The following CDKL3 variants were observed in gnomAD, a reference collection of about 807,000 sequenced individuals.
CDKL3 encodes cyclin dependent kinase like 3, also known as cyclin-dependent kinase-like 3.
CDKL3 carries 65 observed loss-of-function variants against 69.3 expected under a neutral mutation model. The observed-to-expected ratio is 0.94, with a 90% confidence interval of 0.77 to 1.15. The LOEUF (loss-of-function observed/expected upper bound fraction) is 1.15. CDKL3 is among the 50% of genes most tolerant of loss of function. The pLI is 0.00. For synonymous variants in CDKL3, 202 were observed against 221.6 expected, an observed-to-expected ratio of 0.91 and a Z score of 0.79; for missense variants, 652 against 689.2, an observed-to-expected ratio of 0.95 and a Z score of 0.61.
At chr5:134,318,254 ATAAT>A (rs1158728062) in intron 6 of CDKL3, among the ~76,000 whole-genome samples, 1 of 151,538 alleles carries the variant, frequency 6.6e-6, no homozygotes, top group African/African-American at 2.4e-5. Flanking sequence ...AAAATAATAA[ATAAT>A]AAATAAAAAT....
chr5:134,317,537 T>A (rs1296011029), intron 6 of CDKL3, among the ~76,000 whole-genome samples: 1 of 152,130 alleles, frequency 6.6e-6, no homozygotes. Context: ...GGAGGAAGGA[T>A]CACTAGAGGA....
In CDKL3 at chr5:134,350,583, T is replaced by C. The variant is rs539993450; in HGVS notation, c.361-156A>G. ...ATTACACAATGCAAATATAGTTATA[T>C]GTTTTCAATTCTTGCCCCATCCATC... On this transcript the variant is annotated intron_variant, in intron 3 of 12. Coordinates refer to ENST00000265334, the MANE Select transcript of CDKL3 (RefSeq NM_001113575.2). 2.0e-5 allele frequency among the ~76,000 whole-genome samples: 3 copies of C among 152,332 alleles called. No homozygotes were observed. The South Asian group carries it at 6.2e-4, about 32-fold the overall frequency.
intron 10 of CDKL3, among the ~76,000 whole-genome samples, chr5:134,305,478 C>T (rs940217693): frequency 6.6e-6 from 1 of 152,138 alleles, no homozygotes; most frequent in African/African-American, 2.4e-5. Flanking sequence ...GAACAAATTG[C>T]TTCAGTTCAT....
chr5:134,350,105 TTGAA>T, intron 4 of CDKL3, 140 bp downstream of exon 4: 1 of 556,628 alleles, frequency 1.8e-6, no homozygotes, highest in Non-Finnish European at 3.1e-6. Context: ...GGAGAATTGC[TTGAA>T]CCTGGGAGGT....
chr5:134,293,781 C>T (rs143288755), downstream of CDKL3, among the ~76,000 whole-genome samples: 228 of 151,954 alleles, frequency 1.5e-3, no homozygotes, highest in Middle Eastern at 0.01. Flanking sequence ...GCCTGGGTGG[C>T]AGAGTAAGAA....
intron 11 of CDKL3, 146 bp downstream of exon 11, chr5:134,304,259 T>C (rs1384026008): frequency 1.6e-6 from 1 of 643,806 alleles, no homozygotes; most frequent in Non-Finnish European, 2.5e-6. Flanking sequence ...TATTTGACAA[T>C]GGGGAGAAAA....
chr5:134,326,846 TATATATATATATATATATATAC>T (rs1184616143), intron 4 of CDKL3, among the ~76,000 whole-genome samples: 8,798 of 125,364 alleles, frequency 0.07, 397 homozygotes, highest in African/African-American at 0.11. Context: ...TATATATATA[TATATATATATATATATATATAC>T]ACACACACAC....
chr5:134,317,496 T>C (rs1771456531), intron 6 of CDKL3, among the ~76,000 whole-genome samples: 1 of 152,180 alleles, frequency 6.6e-6, no homozygotes, highest in Non-Finnish European at 1.5e-5. Context: ...CAGTTGCTTA[T>C]GCCTGTGATC....
intron 4 of CDKL3, among the ~76,000 whole-genome samples, chr5:134,326,817 G>GTA (rs1164800558): frequency 8.3e-5 from 10 of 120,470 alleles, no homozygotes; most frequent in African/African-American, 3.2e-4. Context: ...ATATGTGTGT[G>GTA]TATATATATA....
Position 134,304,487 on chromosome 5 carries a change from A to T in CDKL3, c.1539T>A (p.Asn513Lys). 1 of 1,612,812 alleles carries T rather than the reference A, an allele frequency of 6.2e-7. No homozygotes were observed. The highest frequency in any genetic ancestry group is 2.2e-5 in the East Asian group (1 of 44,796). ...ATTCTTTCCTGTCAGATCTGGAAAA[A>T]TTCAGCTTCCTTTTGTTCTCATTTG... Reference protein sequence around the residue: ...QMANENKRKLNFSRSDRKEFH... With the variant: ...QMANENKRKLKFSRSDRKEFH... Residue 513 changes from asparagine (N) to lysine (K), a missense_variant, in exon 11 of 13, where the codon AAT (asparagine) becomes AAA (lysine). Physicochemically the swap from Asn to Lys is moderately conservative, Grantham distance 94. Coordinates refer to ENST00000265334, the MANE Select transcript of CDKL3 (RefSeq NM_001113575.2).
intron 4 of CDKL3, among the ~76,000 whole-genome samples, chr5:134,349,130 G>C (rs1752636744): frequency 6.6e-6 from 1 of 152,094 alleles, no homozygotes; most frequent in Non-Finnish European, 1.5e-5. Context: ...CTTCATCATA[G>C]GGTTGTTGTA....
intron 7 of CDKL3, 112 bp downstream of exon 7, chr5:134,312,180 G>C (rs1288158414): frequency 1.5e-6 from 1 of 668,128 alleles, no homozygotes; most frequent in South Asian, 1.8e-5. Flanking sequence ...ATAAATTTTT[G>C]TTAAACTGAA....
downstream of CDKL3, among the ~76,000 whole-genome samples, chr5:134,295,999 C>T (rs1765330935): frequency 6.6e-6 from 1 of 152,124 alleles, no homozygotes; most frequent in African/African-American, 2.4e-5. Context: ...CGGGTTCACG[C>T]CATTCTCCTG....
chr5:134,369,686 T>A (rs1483169019), upstream of CDKL3, among the ~76,000 whole-genome samples: 2 of 152,162 alleles, frequency 1.3e-5, no homozygotes, highest in African/African-American at 2.4e-5. Flanking sequence ...TTCTTCTGCC[T>A]CAGCCTCCTG....
chr5:134,297,105 C>G (rs1422411282), downstream of CDKL3, among the ~76,000 whole-genome samples: 23 of 151,924 alleles, frequency 1.5e-4, no homozygotes, highest in African/African-American at 2.4e-5. Context: ...GCGTGCACCA[C>G]CACACCTGGC....
intron 8 of CDKL3, among the ~76,000 whole-genome samples, chr5:134,292,594 T>A (rs1765168817): frequency 6.6e-6 from 1 of 151,600 alleles, no homozygotes; most frequent in Non-Finnish European, 1.5e-5. Flanking sequence ...AAATAATAAA[T>A]ATAAGAACAT....
intron 3 of CDKL3, among the ~76,000 whole-genome samples, chr5:134,357,172 G>A (rs1438248027): frequency 2.6e-5 from 4 of 152,092 alleles, no homozygotes; most frequent in South Asian, 2.1e-4. Context: ...TAAGCCGGGC[G>A]CGGTGGCTCA....
Position 134,304,287 on chromosome 5 carries a change from T to C in CDKL3, c.1621+118A>G, listed in dbSNP as rs1767150709. 4 of 776,664 alleles carry C rather than the reference T, an allele frequency of 5.2e-6. No individual in the cohort carries two copies. The South Asian group carries it at 8.8e-5, about 17-fold the overall frequency. 48.1% of individuals were successfully genotyped at this position (776,664 alleles called of 1,614,324 possible). On this transcript the variant is annotated intron_variant, in intron 11 of 12. Coordinates refer to ENST00000265334, the MANE Select transcript of CDKL3 (RefSeq NM_001113575.2). ...GGAGAAAATCTCATCAGCTGAAATG[T>C]TTTCCTCACCAATTTACTATTTTCT...
At position 134,350,367 on chromosome 5, in the gene CDKL3, G is replaced by C; in HGVS notation, c.421C>G (p.Leu141Val). 6.3e-7 allele frequency: 1 copy of C among 1,583,216 alleles called. No homozygotes were observed. The change falls in exon 4 of 13, where the codon CTC becomes GTC. Residue 141 changes from leucine to valine, a missense_variant. By Grantham distance (32) the Leu-to-Val change is conservative. Coordinates refer to ENST00000265334, the MANE Select transcript of CDKL3 (RefSeq NM_001113575.2). ...GTTCGTGCAAAACCAAAATCACAGA[G>C]CTTAGTAATTCCTGACTGGGATACT... ...ILVSQSGITK[L>V]CDFGFARTLA...
Sources: gnomAD v4.1 joint callset for allele counts (sites outside exome capture counted in the v4.1 genomes callset) on GRCh38, gnomAD v4.1.1 for gene constraint, MANE v1.5 for transcripts, NCBI Gene and HGNC (gene_info 2026-07-23, HGNC 2026-07-21) for gene names.